The following RALA variants were observed in gnomAD, a reference collection of about 807,000 sequenced individuals.
RALA encodes RAS like proto-oncogene A.
Under a neutral mutation model 24.0 loss-of-function variants are expected in RALA, and 5 were observed. That is an observed-to-expected ratio of 0.21 (90% CI 0.11 to 0.44). RALA has a LOEUF of 0.44. Ranked by LOEUF, RALA falls within the 20% of genes least tolerant of loss-of-function variation. RALA has a pLI of 0.99. For missense variants in RALA, 95 were observed against 241.2 expected (o/e 0.39, Z 4.01); for synonymous variants, 77 against 83.8 (o/e 0.92, Z 0.44).
intron 1 of RALA, among the ~76,000 whole-genome samples, chr7:39,668,797 CAAAAAAAAAA>C (rs70996827): frequency 2.4e-5 from 2 of 81,880 alleles, no homozygotes; most frequent in Admixed American, 2.4e-4. Context: ...AATTCCATCT[CAAAAAAAAAA>C]AAAAAAGAAA....
intron 3 of RALA, among the ~76,000 whole-genome samples, chr7:39,692,639 C>T (rs190598552): frequency 2.0e-3 from 301 of 152,316 alleles, no homozygotes; most frequent in Non-Finnish European, 3.2e-3. Flanking sequence ...CTTCTCACCT[C>T]GGAACCCAGT....
In RALA at chr7:39,629,847, G is replaced by A. The variant is rs192494851; in HGVS notation, c.-38+6022G>A. Among the ~76,000 whole-genome samples, 405 of 152,016 alleles carry A rather than the reference G, an allele frequency of 2.7e-3. 3 individuals are homozygous for A. The highest frequency in any genetic ancestry group is 9.2e-3 in the African/African-American group (381 of 41,412). ...CCTGACCTCGTGATCCACCTGCCTCGGCCTCCAAAAGTGTTGGGATTACAG... is the reference window on the plus strand; with the variant it reads ...CCTGACCTCGTGATCCACCTGCCTCAGCCTCCAAAAGTGTTGGGATTACAG... On this transcript the variant is annotated intron_variant, in intron 1 of 4. Coordinates refer to ENST00000005257, the MANE Select transcript of RALA (RefSeq NM_005402.4).
chr7:39,669,789 G>T (rs1367225557), intron 1 of RALA, among the ~76,000 whole-genome samples: 2 of 145,996 alleles, frequency 1.4e-5, no homozygotes, highest in Non-Finnish European at 3.0e-5. Flanking sequence ...CTGGGTGATA[G>T]ACCGAGACTC....
chr7:39,693,991 AG>A (rs1171362119), intron 3 of RALA, among the ~76,000 whole-genome samples: 2 of 152,250 alleles, frequency 1.3e-5, no homozygotes, highest in Non-Finnish European at 2.9e-5. Context: ...CTACATCGTG[AG>A]TAATCAAGTG....
At chr7:39,630,827 A>G (rs968210762) in intron 1 of RALA, among the ~76,000 whole-genome samples, 1 of 152,024 alleles carries the variant, frequency 6.6e-6, no homozygotes, top group Non-Finnish European at 1.5e-5. Context: ...GGATTATCTC[A>G]CCATTCATGC....
At position 39,671,463 on chromosome 7, in the gene RALA, A is replaced by G. The variant is rs114451626; in HGVS notation, c.-37-15168A>G. Reference sequence around the variant, plus strand: ...ACTGTGGACTGAGTATATGTGGCATATAAAGTTAGGGTCTTCTAAAAAGAC... The same window carrying G: ...ACTGTGGACTGAGTATATGTGGCATGTAAAGTTAGGGTCTTCTAAAAAGAC... On this transcript the variant is annotated intron_variant, in intron 1 of 4. Transcript: ENST00000005257. Among the ~76,000 whole-genome samples the G allele has an allele frequency of 8.2e-3, 1,250 of 152,280 alleles. 15 individuals carry two copies. Among genetic ancestry groups the G allele is most frequent in the African/African-American group, 0.028 (1,184 of 41,548 alleles).
intron 1 of RALA, among the ~76,000 whole-genome samples, chr7:39,661,613 A>T (rs1792192191): frequency 6.6e-6 from 1 of 152,208 alleles, no homozygotes; most frequent in Non-Finnish European, 1.5e-5. Context: ...GGTCACTCTG[A>T]TGCAAAAGGT....
Position 39,630,713 on chromosome 7 carries a change from TC to T in RALA, c.-38+6890del, listed in dbSNP as rs537521943. ...GATATAAGGAATGCATCTAATTTTATCCTTTTCCAAGTGGCTATCCAGTTGC... is the reference window on the plus strand; with the variant it reads ...GATATAAGGAATGCATCTAATTTTATCTTTTCCAAGTGGCTATCCAGTTGC... On this transcript the variant is annotated intron_variant, in intron 1 of 4. Transcript: ENST00000005257. Among the ~76,000 whole-genome samples the T allele has an allele frequency of 1.9e-4, 29 of 152,292 alleles. No homozygotes were observed. In the South Asian group the frequency reaches 5.6e-3, roughly 29 times the overall value.
At chr7:39,695,779 C>T (rs1458485780) in intron 3 of RALA, among the ~76,000 whole-genome samples, 4 of 152,094 alleles carry the variant, frequency 2.6e-5, no homozygotes, top group Non-Finnish European at 5.9e-5. Context: ...ACTTTACTTA[C>T]GTTCCTATAG....
At chr7:39,666,558 G>A (rs572297736) in intron 1 of RALA, among the ~76,000 whole-genome samples, 3 of 152,276 alleles carry the variant, frequency 2.0e-5, no homozygotes, top group South Asian at 4.1e-4. Flanking sequence ...AGTGACATTC[G>A]CAATGCCTTA....
At chr7:39,661,119 T>C (rs1792181263) in intron 1 of RALA, among the ~76,000 whole-genome samples, 1 of 152,164 alleles carries the variant, frequency 6.6e-6, no homozygotes, top group South Asian at 2.1e-4. Flanking sequence ...ATGAGACTTA[T>C]TCACTACCAA....
intron 1 of RALA, among the ~76,000 whole-genome samples, chr7:39,675,732 G>C (rs969911057): frequency 1.0e-4 from 14 of 136,234 alleles, no homozygotes; most frequent in African/African-American, 3.4e-4. Flanking sequence ...GACCATGTCT[G>C]GGAAATTAAA....
At chr7:39,686,271 CAA>C (rs891254171) in intron 1 of RALA, among the ~76,000 whole-genome samples, 1 of 148,248 alleles carries the variant, frequency 6.7e-6, no homozygotes, top group African/African-American at 2.5e-5. Flanking sequence ...AGTGTGAAAA[CAA>C]AGAGATCCTT....
At position 39,707,143 on chromosome 7, in the gene RALA, C is replaced by G. The variant is rs1364537751; in HGVS notation, c.*898C>G. ...AAGATAATTTTCAGCTGCAAGGATT[C>G]AGCACCAGTTATGTTTGAATGAACC... On this transcript the variant is annotated 3_prime_UTR_variant, in exon 5 of 5. Coordinates refer to ENST00000005257, the MANE Select transcript of RALA (RefSeq NM_005402.4). 2 of 152,552 alleles carry G rather than the reference C, an allele frequency of 1.3e-5. No individual in the cohort carries two copies. The highest frequency in any genetic ancestry group is 4.8e-5 in the African/African-American group (2 of 41,434). 9.4% of individuals were successfully genotyped at this position (152,552 alleles called of 1,614,324 possible).
chr7:39,682,150 C>T (rs535761692), intron 1 of RALA, among the ~76,000 whole-genome samples: 5 of 152,280 alleles, frequency 3.3e-5, no homozygotes, highest in South Asian at 2.1e-4. Context: ...TAGTACATAT[C>T]GCCTAGGATT....
In RALA at chr7:39,690,623, A is replaced by G. The variant is rs761868352; in HGVS notation, c.323+33A>G. Reference sequence around the variant, plus strand: ...CTAGAGTAATGTTGTTGCTTGTGACATACTATACAACAATTTCTTCCCCAG... The same window carrying G: ...CTAGAGTAATGTTGTTGCTTGTGACGTACTATACAACAATTTCTTCCCCAG... On this transcript the variant is annotated intron_variant, in intron 3 of 4. Transcript: ENST00000005257. 6.0e-6 allele frequency: 9 copies of G among 1,506,470 alleles called. No individual in the cohort carries two copies. In the Admixed American group the frequency reaches 7.5e-5, roughly 13 times the overall value. 93.3% of individuals were successfully genotyped at this position (1,506,470 alleles called of 1,614,324 possible).
At chr7:39,678,194 TA>T (rs59832559) in intron 1 of RALA, among the ~76,000 whole-genome samples, 815 of 137,392 alleles carry the variant, frequency 5.9e-3, no homozygotes, top group African/African-American at 6.9e-3. Flanking sequence ...AAAGTATAAT[TA>T]AAAAAAAAAA....
At chr7:39,635,823 C>T (rs916641884) in intron 1 of RALA, among the ~76,000 whole-genome samples, 4 of 152,128 alleles carry the variant, frequency 2.6e-5, no homozygotes, top group Non-Finnish European at 5.9e-5. Flanking sequence ...TGCTCACCCT[C>T]CGCTCACCTC....
chr7:39,655,696 T>C (rs1792084368), intron 1 of RALA, among the ~76,000 whole-genome samples: 1 of 152,200 alleles, frequency 6.6e-6, no homozygotes, highest in South Asian at 2.1e-4. Context: ...TCACTTCAAG[T>C]ATATCTTCTG....
Sources: gnomAD v4.1 joint callset for allele counts (sites outside exome capture counted in the v4.1 genomes callset) on GRCh38, gnomAD v4.1.1 for gene constraint, MANE v1.5 for transcripts, NCBI Gene and HGNC (gene_info 2026-07-23, HGNC 2026-07-21) for gene names.